The following CCSER1 variants were observed in gnomAD, a reference collection of about 807,000 sequenced individuals.
CCSER1 encodes serine-rich coiled-coil domain-containing protein 1.
CCSER1 carries 41 observed loss-of-function variants against 82.0 expected under a neutral mutation model. The ratio of observed to expected loss-of-function variants is 0.50; its 90% CI spans 0.39 to 0.65. The LOEUF (loss-of-function observed/expected upper bound fraction) is 0.65. Ranked by LOEUF, CCSER1 falls within the 30% of genes least tolerant of loss-of-function variation. The pLI is 0.00. For synonymous variants in CCSER1, 414 were observed against 383.9 expected (o/e 1.08, Z -0.92); for missense variants, 1,119 against 1,064.2 (o/e 1.05, Z -0.72).
At position 91,020,186 on chromosome 4, in the gene CCSER1, A is replaced by G. The variant is rs1739804466; in HGVS notation, c.2173-65764A>G. Among the ~76,000 whole-genome samples the G allele has an allele frequency of 2.0e-5, 3 of 152,236 alleles. No individual in the cohort carries two copies. In the South Asian group the frequency reaches 6.2e-4, roughly 31 times the overall value. ...AAGATGGAATTTTTTCTGTACTTAG[A>G]GTTCAAATTTAAATGTTCATGTAAA... On this transcript the variant is annotated intron_variant, in intron 9 of 10. Coordinates refer to ENST00000509176, the MANE Select transcript of CCSER1 (RefSeq NM_001145065.2).
intron 1 of CCSER1, among the ~76,000 whole-genome samples, chr4:90,268,374 C>A (rs1725634301): frequency 6.6e-6 from 1 of 151,718 alleles, no homozygotes. Context: ...AAAATAGAAA[C>A]AATGATAAGT....
At chr4:90,886,902 A>C (rs897098525) in intron 8 of CCSER1, among the ~76,000 whole-genome samples, 21 of 152,326 alleles carry the variant, frequency 1.4e-4, no homozygotes, top group African/African-American at 4.6e-4. Flanking sequence ...TTCTCCAGCC[A>C]AATTATTTCT....
intron 5 of CCSER1, among the ~76,000 whole-genome samples, chr4:90,516,579 T>G (rs781499547): frequency 6.6e-6 from 1 of 152,120 alleles, no homozygotes; most frequent in Non-Finnish European, 1.5e-5. Context: ...GAAAATAGAT[T>G]CCTGACCCTG....
intron 10 of CCSER1, among the ~76,000 whole-genome samples, chr4:91,394,798 T>C (rs1210994350): frequency 6.6e-6 from 1 of 151,872 alleles, no homozygotes; most frequent in Non-Finnish European, 1.5e-5. Flanking sequence ...CTTCTAGATG[T>C]ATTGCTATGC....
chr4:91,508,300 A>G (rs1187083102), intron 10 of CCSER1, among the ~76,000 whole-genome samples: 1 of 113,412 alleles, frequency 8.8e-6, no homozygotes, highest in East Asian at 2.6e-4. Flanking sequence ...TCTTGAGTAC[A>G]CCCAATATAA....
intron 6 of CCSER1, among the ~76,000 whole-genome samples, chr4:90,657,337 A>T (rs1729880740): frequency 6.6e-6 from 1 of 152,012 alleles, no homozygotes; most frequent in Non-Finnish European, 1.5e-5. Context: ...GGCGTCTTTT[A>T]ACCTTTTTCT....
intron 10 of CCSER1, among the ~76,000 whole-genome samples, chr4:91,272,495 T>C (rs979991925): frequency 6.6e-6 from 1 of 152,218 alleles, no homozygotes. Context: ...TTCTGGGTAT[T>C]TGTCCTTTGT....
intron 9 of CCSER1, among the ~76,000 whole-genome samples, chr4:90,968,880 T>C (rs934232970): frequency 1.3e-5 from 2 of 151,516 alleles, no homozygotes; most frequent in Admixed American, 6.6e-5. Context: ...AATAATTGTT[T>C]TAAGGAAGCT....
At chr4:90,912,645 A>G (rs890500651) in intron 8 of CCSER1, among the ~76,000 whole-genome samples, 24 of 152,218 alleles carry the variant, frequency 1.6e-4, no homozygotes, top group Admixed American at 8.5e-4. Flanking sequence ...GGAGAACGAC[A>G]TTGACGAGCT....
chr4:90,702,022 C>T (rs563781863), intron 6 of CCSER1, among the ~76,000 whole-genome samples: 154 of 152,136 alleles, frequency 1.0e-3, no homozygotes, highest in African/African-American at 3.2e-3. Context: ...TGAATAGGAG[C>T]GGTGAGAGAG....
At chr4:90,569,088 G>T (rs988972576) in intron 5 of CCSER1, among the ~76,000 whole-genome samples, 4 of 151,918 alleles carry the variant, frequency 2.6e-5, no homozygotes, top group Non-Finnish European at 5.9e-5. Flanking sequence ...TTATGTAGTT[G>T]TATGTTTTAC....
chr4:90,825,537 G>A (rs1286245404), intron 8 of CCSER1, among the ~76,000 whole-genome samples: 1 of 152,048 alleles, frequency 6.6e-6, no homozygotes, highest in East Asian at 1.9e-4. Flanking sequence ...ATATGCAGAA[G>A]GGGAAATATG....
At chr4:90,348,231 A>G (rs1465256431) in intron 3 of CCSER1, among the ~76,000 whole-genome samples, 4 of 152,182 alleles carry the variant, frequency 2.6e-5, no homozygotes, top group African/African-American at 9.7e-5. Flanking sequence ...ACGTTTACCT[A>G]TGTAACCAAC....
intron 7 of CCSER1, among the ~76,000 whole-genome samples, chr4:90,796,754 C>T (rs1012746331): frequency 2.0e-5 from 3 of 152,106 alleles, no homozygotes; most frequent in Non-Finnish European, 4.4e-5. Context: ...AAAAGTCATT[C>T]AGGAGAAAGT....
At chr4:91,512,953 A>T (rs1212319691) in intron 10 of CCSER1, among the ~76,000 whole-genome samples, 1 of 151,446 alleles carries the variant, frequency 6.6e-6, no homozygotes, top group Non-Finnish European at 1.5e-5. Flanking sequence ...GATACCTTTT[A>T]TTTTTTTTAT....
intron 9 of CCSER1, among the ~76,000 whole-genome samples, chr4:90,959,587 C>A (rs1182420515): frequency 6.6e-6 from 1 of 152,096 alleles, no homozygotes; most frequent in East Asian, 1.9e-4. Context: ...CTAAAAATAA[C>A]TTAAAGTGCC....
chr4:91,084,177 C>A (rs1328062613), intron 9 of CCSER1, among the ~76,000 whole-genome samples: 1 of 152,124 alleles, frequency 6.6e-6, no homozygotes, highest in African/African-American at 2.4e-5. Context: ...AGTGATCCAC[C>A]TGCCTGTGCC....
rs1361499644 is a variant in CCSER1, at chr4:90,370,059, T to C, written c.1510-29977T>C. 5.9e-5 allele frequency: 9 copies of C among 152,258 alleles called. No homozygotes were observed. The East Asian group carries it at 1.7e-3, about 29-fold the overall frequency. The allele number at this position is 152,258 out of a possible 1,614,324, so 9.4% of individuals were successfully genotyped here. A position where few individuals can be genotyped will look rare whatever the true frequency, so the allele number is the denominator to read the frequency against. ...ACAGCAAATGTTTGTCTTCTTGTTT[T>C]GTTTTTGTTTACTTTTCCAAAAAAG... On this transcript the variant is annotated intron_variant, in intron 3 of 10. Transcript: ENST00000509176.
chr4:90,463,252 G>C (rs1390330206), intron 4 of CCSER1, among the ~76,000 whole-genome samples: 1 of 152,086 alleles, frequency 6.6e-6, no homozygotes. Context: ...ATATTATTGA[G>C]TATAAACAAT....
Sources: allele counts gnomAD v4.1 joint callset (sites outside exome capture counted in the v4.1 genomes callset), GRCh38; gene constraint gnomAD v4.1.1; transcripts MANE v1.5; gene names NCBI Gene and HGNC (gene_info 2026-07-23, HGNC 2026-07-21).